Variants in PRKAA2 observed in about 807,000 individuals in gnomAD.
PRKAA2 encodes the protein protein kinase AMP-activated catalytic subunit alpha 2, also known as 5'-AMP-activated protein kinase catalytic subunit alpha-2.
A neutral mutation model predicts 56.3 loss-of-function variants in PRKAA2; 40 were observed. The ratio of observed to expected loss-of-function variants is 0.71; its 90% CI spans 0.55 to 0.92. The LOEUF (loss-of-function observed/expected upper bound fraction) is 0.92. PRKAA2 is among the 40% of genes least tolerant of loss of function. The pLI is 0.00. For missense variants in PRKAA2, 542 were observed against 686.9 expected (o/e 0.79, Z 2.36); for synonymous variants, 214 against 234.2 (o/e 0.91, Z 0.79).
At chr1:56,701,210 A>G (rs1644291685) in intron 6 of PRKAA2, among the ~76,000 whole-genome samples, 1 of 152,178 alleles carries the variant, frequency 6.6e-6, no homozygotes, top group Non-Finnish European at 1.5e-5. Flanking sequence ...AATATTAGAC[A>G]TGTAACATAA....
chr1:56,714,085 T>C lies in PRKAA2; in HGVS notation c.*6372T>C, dbSNP rs1050659099. On this transcript the variant is annotated 3_prime_UTR_variant, in exon 9 of 9. Coordinates refer to ENST00000371244, the MANE Select transcript of PRKAA2 (RefSeq NM_006252.4). ...CACTAAATGTATTTTCCTATTTCTTTCATGTTGATTGACTTTATAAGTCAC... is the reference window on the plus strand; with the variant it reads ...CACTAAATGTATTTTCCTATTTCTTCCATGTTGATTGACTTTATAAGTCAC... 2 of 152,160 alleles carry C rather than the reference T, an allele frequency of 1.3e-5. No homozygotes were observed. Among genetic ancestry groups the C allele is most frequent in the Non-Finnish European group, 2.9e-5 (2 of 68,006 alleles). The allele number at this position is 152,160 out of a possible 1,614,324, so 9.4% of individuals were successfully genotyped here.
intron 1 of PRKAA2, among the ~76,000 whole-genome samples, chr1:56,648,305 G>C (rs376362607): frequency 1.3e-5 from 2 of 152,110 alleles, no homozygotes; most frequent in African/African-American, 2.4e-5. Flanking sequence ...CTTCATAAAC[G>C]TGATCGTTCA....
intron 7 of PRKAA2, among the ~76,000 whole-genome samples, chr1:56,705,648 C>T (rs1194168183): frequency 2.6e-5 from 4 of 152,174 alleles, no homozygotes; most frequent in Non-Finnish European, 5.9e-5. Context: ...GGTCCACCCA[C>T]CTTGGCCTCC....
chr1:56,657,455 C>A (rs904373387), intron 1 of PRKAA2, among the ~76,000 whole-genome samples: 8 of 152,172 alleles, frequency 5.3e-5, no homozygotes, highest in Non-Finnish European at 1.2e-4. Flanking sequence ...AGGCGGGGAT[C>A]ACCTGAGGTC....
chr1:56,649,937 A>G (rs1191698281), intron 1 of PRKAA2, among the ~76,000 whole-genome samples: 2 of 152,106 alleles, frequency 1.3e-5, no homozygotes, highest in African/African-American at 4.8e-5. Context: ...TCTACTAAAA[A>G]TACAAAAATT....
At chr1:56,702,727 A>G (rs545848075) in intron 6 of PRKAA2, among the ~76,000 whole-genome samples, 1 of 152,206 alleles carries the variant, frequency 6.6e-6, no homozygotes, top group Non-Finnish European at 1.5e-5. Flanking sequence ...AGATCATTCT[A>G]GTGTCAGCTT....
intron 4 of PRKAA2, 103 bp from the exon 5 acceptor site, chr1:56,693,661 AT>A: frequency 1.6e-6 from 1 of 634,742 alleles, no homozygotes; most frequent in Non-Finnish European, 2.5e-6. Context: ...TTAAAAAAAA[AT>A]GATATATGGA....
chr1:56,688,256 T>G (rs1644205539), intron 2 of PRKAA2, among the ~76,000 whole-genome samples: 1 of 152,146 alleles, frequency 6.6e-6, no homozygotes, highest in Admixed American at 6.5e-5. Flanking sequence ...TTTTATTGGT[T>G]GAAGTTTTGC....
At chr1:56,679,460 G>A (rs922763370) in intron 2 of PRKAA2, among the ~76,000 whole-genome samples, 2 of 152,036 alleles carry the variant, frequency 1.3e-5, no homozygotes, top group African/African-American at 4.8e-5. Flanking sequence ...GAGAGTGGAG[G>A]GAGGTAAATG....
chr1:56,703,975 C>T lies in PRKAA2; in HGVS notation c.793C>T (p.His265Tyr), dbSNP rs1391281720. 4 of 1,601,566 alleles carry T rather than the reference C, an allele frequency of 2.5e-6. No individual in the cohort carries two copies. Among genetic ancestry groups the T allele is most frequent in the Non-Finnish European group, 8.5e-7 (1 of 1,174,134 alleles). ...GTATTGTGGTGTTTTTCCTAGAGAG[C>T]ATGAATGGTTTAAACAAGATTTGCC... ...KRATIKDIREHEWFKQDLPSY... is the reference protein window; with the variant it reads ...KRATIKDIREYEWFKQDLPSY... Residue 265 changes from histidine (H) to tyrosine (Y), a missense_variant, in exon 7 of 9, where the codon CAT becomes TAT. By Grantham distance (83) the His-to-Tyr change is moderately conservative. Coordinates refer to ENST00000371244, the MANE Select transcript of PRKAA2 (RefSeq NM_006252.4).
intron 1 of PRKAA2, 31 bp from the exon 2 acceptor site, chr1:56,674,350 G>GCA: frequency 6.6e-7 from 1 of 1,510,194 alleles, no homozygotes; most frequent in East Asian, 2.4e-5. Flanking sequence ...TGATATGATA[G>GCA]CACATTTTTT....
intron 1 of PRKAA2, among the ~76,000 whole-genome samples, chr1:56,669,330 G>A (rs563712109): frequency 2.7e-4 from 41 of 152,062 alleles, no homozygotes; most frequent in African/African-American, 8.7e-4. Flanking sequence ...GTGGTGGTGC[G>A]TGCCTGTAAT....
chr1:56,694,864 C>A (rs1644248691), intron 5 of PRKAA2, among the ~76,000 whole-genome samples: 1 of 151,896 alleles, frequency 6.6e-6, no homozygotes, highest in Admixed American at 6.6e-5. Context: ...TAAACAATCA[C>A]CATTTTTTAT....
intron 1 of PRKAA2, among the ~76,000 whole-genome samples, chr1:56,663,021 A>G (rs1045904424): frequency 2.6e-5 from 4 of 152,168 alleles, no homozygotes; most frequent in Non-Finnish European, 5.9e-5. Flanking sequence ...GAGTCAATAA[A>G]CAAAATGCCT....
chr1:56,708,132 C>T lies in PRKAA2; in HGVS notation c.*419C>T, dbSNP rs1170534393. ...GTAGGCTTTATGCTGTGTTTATGCCCCCAATTTATTTTAACAAAAGAAGAT... is the reference window on the plus strand; with the variant it reads ...GTAGGCTTTATGCTGTGTTTATGCCTCCAATTTATTTTAACAAAAGAAGAT... On this transcript the variant is annotated 3_prime_UTR_variant, in exon 9 of 9. Coordinates refer to ENST00000371244, the MANE Select transcript of PRKAA2 (RefSeq NM_006252.4). 2 of 159,800 alleles carry T rather than the reference C, an allele frequency of 1.3e-5. No individual in the cohort carries two copies. Among genetic ancestry groups the T allele is most frequent in the Non-Finnish European group, 2.8e-5 (2 of 72,558 alleles). 9.9% of individuals were successfully genotyped at this position (159,800 alleles called of 1,614,324 possible). A position where few individuals can be genotyped will look rare whatever the true frequency, so the allele number is the denominator to read the frequency against.
intron 2 of PRKAA2, among the ~76,000 whole-genome samples, chr1:56,678,644 T>C (rs1258256626): frequency 6.6e-6 from 1 of 152,184 alleles, no homozygotes; most frequent in Non-Finnish European, 1.5e-5. Context: ...CAACTTGATT[T>C]TACTTGGTCA....
chr1:56,683,583 A>ATCCT (rs1291413418), intron 2 of PRKAA2, among the ~76,000 whole-genome samples: 2 of 152,146 alleles, frequency 1.3e-5, no homozygotes, highest in African/African-American at 4.8e-5. Flanking sequence ...CAACAACAAA[A>ATCCT]TCCTTGCTAT....
At chr1:56,687,698 G>A (rs1207736428) in intron 2 of PRKAA2, among the ~76,000 whole-genome samples, 2 of 152,102 alleles carry the variant, frequency 1.3e-5, no homozygotes, top group Non-Finnish European at 2.9e-5. Flanking sequence ...CTATGTAACT[G>A]AGTTCTAACT....
intron 2 of PRKAA2, among the ~76,000 whole-genome samples, chr1:56,690,774 A>G (rs1276800781): frequency 2.0e-5 from 3 of 152,326 alleles, no homozygotes; most frequent in East Asian, 3.9e-4. Context: ...TTTTACAGAA[A>G]TGAGGTCTTG....
Sources: gnomAD v4.1 joint callset for allele counts (sites outside exome capture counted in the v4.1 genomes callset) on GRCh38, gnomAD v4.1.1 for gene constraint, MANE v1.5 for transcripts, NCBI Gene and HGNC (gene_info 2026-07-23, HGNC 2026-07-21) for gene names.